The following UBR4 variants were observed in gnomAD, a reference collection of about 807,000 sequenced individuals.
UBR4 encodes the protein ubiquitin protein ligase E3 component n-recognin 4, also known as E3 ubiquitin-protein ligase UBR4.
Under a neutral mutation model 575.6 loss-of-function variants are expected in UBR4, and 124 were observed. The ratio of observed to expected loss-of-function variants is 0.22; its 90% confidence interval spans 0.19 to 0.25. The LOEUF (loss-of-function observed/expected upper bound fraction) is 0.25. Among genes scored for constraint, UBR4 ranks in the 10% least tolerant of loss-of-function variants. The pLI is 1.00. For missense variants in UBR4, 4,818 were observed against 6,478.8 expected (o/e 0.74, Z 8.80); for synonymous variants, 2,455 against 2,473.7 (o/e 0.99, Z 0.22).
At chr1:19,190,367 G>A (rs2151404241) in intron 11 of UBR4, among the ~76,000 whole-genome samples, 1 of 142,808 alleles carries the variant, frequency 7.0e-6, no homozygotes, top group East Asian at 2.2e-4. Context: ...TTGAGAATAT[G>A]TCCATTTTTA....
intron 87 of UBR4, 92 bp downstream of exon 87, chr1:19,103,992 G>T: frequency 6.8e-7 from 1 of 1,466,208 alleles, no homozygotes; most frequent in Non-Finnish European, 9.3e-7. Flanking sequence ...CCCCTCCTCT[G>T]GATCTGTGGA....
chr1:19,156,700 G>T, intron 41 of UBR4, 67 bp downstream of exon 41: 1 of 1,551,096 alleles, frequency 6.4e-7, no homozygotes, highest in Non-Finnish European at 8.7e-7. Context: ...GTAGTTCTGA[G>T]AACAGGGGAG....
chr1:19,128,070 T>C (rs2082016475), intron 62 of UBR4, 141 bp downstream of exon 62: 1 of 826,138 alleles, frequency 1.2e-6, no homozygotes, highest in Non-Finnish European at 2.0e-6. Flanking sequence ...TGAATACGCT[T>C]TTGTTGACTC....
At chr1:19,147,376 C>T (rs1161769307) in intron 51 of UBR4, among the ~76,000 whole-genome samples, 2 of 152,164 alleles carry the variant, frequency 1.3e-5, no homozygotes, top group Non-Finnish European at 2.9e-5. Context: ...GCAGGTTAAA[C>T]TCACATTTCT....
chr1:19,081,855 C>G, intron 102 of UBR4: 1 of 651,884 alleles, frequency 1.5e-6, no homozygotes, highest in Non-Finnish European at 2.8e-6. Context: ...ACTACTGGTT[C>G]CTGAGCACCA....
chr1:19,167,253 C>G, intron 28 of UBR4, 22 bp from the exon 29 acceptor site: 2 of 1,613,352 alleles, frequency 1.2e-6, no homozygotes, highest in Non-Finnish European at 1.7e-6. Context: ...AAAATGAAAT[C>G]GAGTTAGTGA....
chr1:19,192,885 C>T (rs2092207250), intron 9 of UBR4, among the ~76,000 whole-genome samples: 1 of 151,984 alleles, frequency 6.6e-6, no homozygotes, highest in South Asian at 2.1e-4. Flanking sequence ...CAGGCTCAAG[C>T]GATTCTCCTG....
At chr1:19,206,413 C>T (rs1241827133) in intron 1 of UBR4, among the ~76,000 whole-genome samples, 1 of 152,002 alleles carries the variant, frequency 6.6e-6, no homozygotes, top group Non-Finnish European at 1.5e-5. Flanking sequence ...GCAACTTTCG[C>T]CTCCCTGGTT....
intron 74 of UBR4, 95 bp from the exon 75 acceptor site, chr1:19,115,044 T>C (rs1246592981): frequency 3.3e-6 from 5 of 1,524,584 alleles, no homozygotes; most frequent in Admixed American, 3.6e-5. Context: ...TTATATACTC[T>C]GGTAACTACT....
At position 19,086,818 on chromosome 1, in the gene UBR4, T is replaced by A. The variant is rs755567178; in HGVS notation, c.14548A>T (p.Thr4850Ser). Residue 4850 changes from threonine to serine, a missense_variant, in exon 100 of 106, where the codon ACA becomes TCA. By Grantham distance (58) the Thr-to-Ser change is moderately conservative. Coordinates refer to ENST00000375254, the MANE Select transcript of UBR4 (RefSeq NM_020765.3). Reference sequence around the variant, plus strand: ...AAGGTATAAATGCCCAGGACCTTTGTGGGCTGCAAAGACGACAACATAAGG... The same window carrying A: ...AAGGTATAAATGCCCAGGACCTTTGAGGGCTGCAAAGACGACAACATAAGG... ...ICREGYKFQP[T>S]KVLGIYTFTK... 3.1e-6 allele frequency: 5 copies of A among 1,614,042 alleles called. No individual in the cohort carries two copies. Among genetic ancestry groups the A allele is most frequent in the Non-Finnish European group, 4.2e-6 (5 of 1,179,920 alleles).
In UBR4 at chr1:19,165,648, C is replaced by T. The variant is rs375648428; in HGVS notation, c.4211+8G>A. On this transcript the variant is annotated splice_region_variant and intron_variant, in intron 30 of 105. Coordinates refer to ENST00000375254, the MANE Select transcript of UBR4 (RefSeq NM_020765.3). ...AATATTCACTGAATAAAGCAAAACA[C>T]GGCTCACCTGTCAGAGAAAAACTCC... 44 of 1,611,816 alleles carry T rather than the reference C, an allele frequency of 2.7e-5. No homozygotes were observed. Among genetic ancestry groups the T allele is most frequent in the Non-Finnish European group, 3.4e-5 (40 of 1,179,280 alleles).
At chr1:19,134,172 T>C (rs1360497210) in intron 60 of UBR4, among the ~76,000 whole-genome samples, 1 of 150,200 alleles carries the variant, frequency 6.7e-6, no homozygotes, top group African/African-American at 2.5e-5. Flanking sequence ...GAGGATTCCT[T>C]GAGCCTAGGC....
chr1:19,117,543 G>A lies in UBR4; in HGVS notation c.10630-129C>T. 8.9e-7 allele frequency: 1 copy of A among 1,123,174 alleles called. No homozygotes were observed. The highest frequency in any genetic ancestry group is 2.6e-5 in the Admixed American group (1 of 38,146). 69.6% of individuals were successfully genotyped at this position (1,123,174 alleles called of 1,614,324 possible). A position where few individuals can be genotyped will look rare whatever the true frequency, so the allele number is the denominator to read the frequency against. ...TATTTAATTTTTTAAAAAATATTTT[G>A]TAGAGATGGGGTCTCACCATCTTGC... On this transcript the variant is annotated intron_variant, in intron 72 of 105. Coordinates refer to ENST00000375254, the MANE Select transcript of UBR4 (RefSeq NM_020765.3). This position sits in a 1 kb window ranked among gnomAD's most constrained non-coding sequence, Gnocchi z 4.0.
At chr1:19,086,888 A>G in intron 99 of UBR4, 67 bp from the exon 100 acceptor site, 1 of 1,583,770 alleles carries the variant, frequency 6.3e-7, no homozygotes, top group Non-Finnish European at 8.6e-7. Context: ...GAAGCAGAAT[A>G]GAGGGGAACT....
chr1:19,154,124 G>A (rs1026510928), intron 44 of UBR4, among the ~76,000 whole-genome samples, 185 bp from the exon 45 acceptor site: 3 of 152,270 alleles, frequency 2.0e-5, no homozygotes, highest in Middle Eastern at 3.4e-3. Flanking sequence ...ACCCCAATGC[G>A]TGCTTATGGC....
Position 19,185,039 on chromosome 1 carries a change from C to T in UBR4, c.1938+60G>A. 5 of 1,594,344 alleles carry T rather than the reference C, an allele frequency of 3.1e-6. No homozygotes were observed. The South Asian group carries it at 4.5e-5, about 14-fold the overall frequency. ...AAAATGTTTGCATTCAAATTATCTG[C>T]TTCTCATACCCCTAGCTCCCCATGT... is the stretch of plus-strand genomic sequence containing the variant. On this transcript the variant is annotated intron_variant, in intron 15 of 105. Transcript: ENST00000375254.
rs1014590903 is a variant in UBR4 at position 19,169,333 on chromosome 1, A to G, written c.3741+102T>C. 6.9e-5 allele frequency: 63 copies of G among 908,552 alleles called. No homozygotes were observed. The East Asian group carries it at 1.7e-3, about 25-fold the overall frequency. The allele number at this position is 908,552 out of a possible 1,614,324, so 56.3% of individuals were successfully genotyped here. The stretch of plus-strand genomic sequence containing the variant: ...GCCAATATTACTGCAGTATATGAAG[A>G]TATCTTGGTAGCTAGTTTAAGCCTA... On this transcript the variant is annotated intron_variant, in intron 27 of 105. Coordinates refer to ENST00000375254, the MANE Select transcript of UBR4 (RefSeq NM_020765.3).
In UBR4 at chr1:19,138,127, C is replaced by A; in HGVS notation, c.8786G>T (p.Gly2929Val). The change falls in exon 60 of 106, where the codon GGA (glycine) becomes GTA (valine). Residue 2929 changes from glycine (G) to valine (V), a missense_variant. By Grantham distance (109) the Gly-to-Val change is moderately radical. Coordinates refer to ENST00000375254, the MANE Select transcript of UBR4 (RefSeq NM_020765.3). ...AGTGCTTGAGCTGACACTTCCTGGTCCAGCCGGATGCCCCTCAGCTGTAGC... is the reference window on the plus strand; with the variant it reads ...AGTGCTTGAGCTGACACTTCCTGGTACAGCCGGATGCCCCTCAGCTGTAGC... ...GDATAEGHPA[G>V]PGSVSSSTGA... 1 of 1,598,474 alleles carries A rather than the reference C, an allele frequency of 6.3e-7. No homozygotes were observed.
chr1:19,173,114 T>A (rs1390969343), intron 24 of UBR4, 21 bp from the exon 25 acceptor site: 2 of 1,613,558 alleles, frequency 1.2e-6, no homozygotes, highest in Admixed American at 3.3e-5. Context: ...ATGCAAAATA[T>A]AATTAGCTGT....
Sources: gnomAD v4.1 joint callset for allele counts (sites outside exome capture counted in the v4.1 genomes callset) on GRCh38, gnomAD v4.1.1 for gene constraint, Gnocchi (gnomAD v3.1) non-coding constraint, MANE v1.5 for transcripts, NCBI Gene and HGNC (gene_info 2026-07-23, HGNC 2026-07-21) for gene names.